TRDN: variants seen among roughly 807,000 people sequenced by gnomAD.
The protein encoded by TRDN is triadin, also known as triadin in skeletal muscle.
Under a neutral mutation model 149.7 loss-of-function variants are expected in TRDN, and 161 were observed. That is an observed-to-expected ratio of 1.08 (90% CI 0.95 to 1.23). The LOEUF (loss-of-function observed/expected upper bound fraction) is 1.23, where lower values mean the gene tolerates loss of function less well. Among genes scored for constraint, TRDN ranks in the 50% most tolerant of loss-of-function variants. The probability of loss-of-function intolerance (pLI) is 0.00; values close to 1 mark genes in which losing one functional copy is unlikely to be tolerated. For synonymous variants in TRDN, 294 were observed against 250.5 expected (o/e 1.17, Z -1.64); for missense variants, 896 against 823.5 (o/e 1.09, Z -1.08).
At position 123,402,363 on chromosome 6, in the gene TRDN, C is replaced by G. The variant is rs182288252; in HGVS notation, c.1052-8686G>C. On this transcript the variant is annotated intron_variant, in intron 12 of 40. Transcript: ENST00000334268. Reference sequence around the variant, plus strand: ...CCAATCAAGCTATTTCTGTACTTCCCTTCAGTTTGGGCTATAACAGCACAC... The same window carrying G: ...CCAATCAAGCTATTTCTGTACTTCCGTTCAGTTTGGGCTATAACAGCACAC... Among the ~76,000 whole-genome samples, 422 of 152,316 alleles carry G rather than the reference C, an allele frequency of 2.8e-3. 1 individual carries two copies. Among genetic ancestry groups the G allele is most frequent in the Non-Finnish European group, 3.1e-3 (211 of 68,034 alleles).
At chr6:123,278,207 G>T (rs561186160) in intron 26 of TRDN, 111 bp downstream of exon 26, 2 of 750,258 alleles carry the variant, frequency 2.7e-6, no homozygotes, top group East Asian at 5.3e-5. Flanking sequence ...AGTTGGTCAA[G>T]GATAAAATTT....
chr6:123,497,542 T>C (rs1778500927), intron 8 of TRDN, among the ~76,000 whole-genome samples: 1 of 152,172 alleles, frequency 6.6e-6, no homozygotes, highest in African/African-American at 2.4e-5. Flanking sequence ...TTTTGTCAAA[T>C]AATTGATTAC....
chr6:123,402,108 A>G (rs1045086630), intron 12 of TRDN, among the ~76,000 whole-genome samples: 1 of 152,208 alleles, frequency 6.6e-6, no homozygotes, highest in African/African-American at 2.4e-5. Flanking sequence ...GAGAAGTAAA[A>G]CACATGAAAT....
At chr6:123,601,487 C>G (rs527254843) in intron 1 of TRDN, among the ~76,000 whole-genome samples, 12 of 152,192 alleles carry the variant, frequency 7.9e-5, no homozygotes, top group African/African-American at 2.9e-4. Flanking sequence ...TTTTTTAACA[C>G]TAAATCGAAT....
At chr6:123,514,534 T>C (rs2114866080) in intron 6 of TRDN, among the ~76,000 whole-genome samples, 1 of 152,024 alleles carries the variant, frequency 6.6e-6, no homozygotes, top group African/African-American at 2.4e-5. Context: ...AACTCACACA[T>C]GTCCGTTCAC....
chr6:123,585,562 G>A (rs995942241), intron 1 of TRDN, among the ~76,000 whole-genome samples: 17 of 152,296 alleles, frequency 1.1e-4, no homozygotes, highest in Non-Finnish European at 2.1e-4. Flanking sequence ...GTCTTCAGCC[G>A]CTAAGCCAAG....
chr6:123,432,659 A>G (rs1358001622), intron 12 of TRDN, among the ~76,000 whole-genome samples: 1 of 151,896 alleles, frequency 6.6e-6, no homozygotes, highest in East Asian at 1.9e-4. Context: ...CAAAATCTAC[A>G]CTTTAGTCTC....
chr6:123,615,201 G>T (rs996948377), intron 1 of TRDN, among the ~76,000 whole-genome samples: 1 of 152,126 alleles, frequency 6.6e-6, no homozygotes, highest in African/African-American at 2.4e-5. Flanking sequence ...CTGTTGGTGG[G>T]AATGTAAATT....
At chr6:123,564,399 C>CGT (rs962572615) in intron 2 of TRDN, among the ~76,000 whole-genome samples, 28 of 151,656 alleles carry the variant, frequency 1.8e-4, no homozygotes, top group African/African-American at 3.6e-4. Context: ...ATAACATATT[C>CGT]GTGTGTGTGT....
chr6:123,240,330 A>G lies in TRDN; in HGVS notation c.1975+12082T>C, dbSNP rs528566160. ...ATTTTTGATATTAATTTGTATATAA[A>G]TGAAAGCTATGAAAAAAAATTATGA... On this transcript the variant is annotated intron_variant, in intron 38 of 40. Coordinates refer to ENST00000334268, the MANE Select transcript of TRDN (RefSeq NM_006073.4). Among the ~76,000 whole-genome samples, 11 of 152,014 alleles carry G rather than the reference A, an allele frequency of 7.2e-5. No homozygotes were observed. The South Asian group carries it at 2.3e-3, about 32-fold the overall frequency.
intron 10 of TRDN, among the ~76,000 whole-genome samples, chr6:123,448,622 G>C (rs971221797): frequency 2.0e-5 from 3 of 152,094 alleles, no homozygotes; most frequent in African/African-American, 7.2e-5. Flanking sequence ...TCCTAGCCCT[G>C]CCCCCGTTTG....
Position 123,345,908 on chromosome 6 carries a change from C to G in TRDN, c.1369+6631G>C, listed in dbSNP as rs187055165. ...GCATATTAACTTTGCGCCCTGAAAC[C>G]TTGTTATATTCTGTGATTAGTTCCA... On this transcript the variant is annotated intron_variant, in intron 21 of 40. Coordinates refer to ENST00000334268, the MANE Select transcript of TRDN (RefSeq NM_006073.4). Among the ~76,000 whole-genome samples, 8 of 152,038 alleles carry G rather than the reference C, an allele frequency of 5.3e-5. No homozygotes were observed. The East Asian group carries it at 1.5e-3, about 29-fold the overall frequency.
At chr6:123,474,973 C>T (rs568152953) in intron 9 of TRDN, among the ~76,000 whole-genome samples, 12 of 152,216 alleles carry the variant, frequency 7.9e-5, no homozygotes, top group African/African-American at 2.9e-4. Flanking sequence ...CCAAAATTGA[C>T]ACCCTAACAT....
At chr6:123,542,991 T>C (rs1190261220) in intron 4 of TRDN, among the ~76,000 whole-genome samples, 3 of 152,032 alleles carry the variant, frequency 2.0e-5, no homozygotes, top group African/African-American at 7.3e-5. Context: ...ATAGATATCA[T>C]TACTATTATT....
chr6:123,519,670 A>G (rs564478731), intron 5 of TRDN, among the ~76,000 whole-genome samples: 4 of 150,698 alleles, frequency 2.7e-5, no homozygotes, highest in African/African-American at 4.9e-5. Context: ...ATTCAACCAA[A>G]CTCTAGAACA....
At chr6:123,382,441 A>T (rs1781757493) in intron 14 of TRDN, among the ~76,000 whole-genome samples, 1 of 151,734 alleles carries the variant, frequency 6.6e-6, no homozygotes, top group Non-Finnish European at 1.5e-5. Flanking sequence ...TTTATAAAGA[A>T]ATTTTGTTTT....
chr6:123,385,156 G>A (rs1242472128), intron 14 of TRDN, among the ~76,000 whole-genome samples: 15 of 152,072 alleles, frequency 9.9e-5, no homozygotes, highest in Non-Finnish European at 2.9e-5. Flanking sequence ...AGCTGGGCGC[G>A]GTGGCTCATG....
chr6:123,503,642 C>G lies in TRDN; in HGVS notation c.793+77G>C, dbSNP rs184355717. The G allele has an allele frequency of 7.6e-6, 12 of 1,585,194 alleles. No individual in the cohort carries two copies. In the African/African-American group the frequency reaches 1.6e-4, roughly 21 times the overall value. ...GAAGTCTGATTTTGGTCTTTTTCAA[C>G]TTTTAATTTCACTGCATGTGCTTCT... On this transcript the variant is annotated intron_variant, in intron 8 of 40. Transcript: ENST00000334268.
At chr6:123,516,369 T>C (rs1001837918) in intron 5 of TRDN, among the ~76,000 whole-genome samples, 163 bp from the exon 6 acceptor site, 2 of 152,132 alleles carry the variant, frequency 1.3e-5, no homozygotes, top group African/African-American at 4.8e-5. Context: ...TCAAGATAAT[T>C]ACAGATTTAT....
Sources: allele counts gnomAD v4.1 joint callset (sites outside exome capture counted in the v4.1 genomes callset), GRCh38; gene constraint gnomAD v4.1.1; transcripts MANE v1.5; gene names NCBI Gene and HGNC (gene_info 2026-07-23, HGNC 2026-07-21).